EYA2: variants seen among roughly 807,000 people sequenced by gnomAD.
EYA2 encodes protein phosphatase EYA2.
EYA2 carries 31 observed loss-of-function variants against 69.2 expected under a neutral mutation model. The ratio of observed to expected loss-of-function variants is 0.45; its 90% CI spans 0.34 to 0.60. EYA2 has a LOEUF of 0.60. EYA2 is among the 20% of genes least tolerant of loss of function. EYA2 has a pLI of 0.02. For missense variants in EYA2, 622 were observed against 701.2 expected, an observed-to-expected ratio of 0.89 and a Z score of 1.28; for synonymous variants, 257 against 279.4, an observed-to-expected ratio of 0.92 and a Z score of 0.80.
intron 9 of EYA2, among the ~76,000 whole-genome samples, chr20:47,130,256 A>ATTTTTTTTTTTT (rs1392782309): frequency 3.4e-4 from 24 of 69,770 alleles, no homozygotes; most frequent in African/African-American, 6.2e-4. Context: ...AAGAAGGTTT[A>ATTTTTTTTTTTT]TTTTCTTTTT....
chr20:46,921,871 T>C (rs535854788), intron 1 of EYA2, among the ~76,000 whole-genome samples: 2 of 152,374 alleles, frequency 1.3e-5, no homozygotes, highest in African/African-American at 4.8e-5. Context: ...GAAGTTTGAA[T>C]GGAGTCTTCT....
At position 47,137,420 on chromosome 20, in the gene EYA2, G is replaced by A. The variant is rs898823882; in HGVS notation, c.889-5639G>A. Among the ~76,000 whole-genome samples the A allele has an allele frequency of 2.6e-5, 4 of 152,184 alleles. No individual in the cohort carries two copies. The South Asian group carries it at 6.2e-4, about 24-fold the overall frequency. On this transcript the variant is annotated intron_variant, in intron 9 of 15. Transcript: ENST00000327619. ...AGGCCTGGGCTAGGTGCTTCCACAC[G>A]TGCTGTCTGATTTAATCCTCACTGC... is the stretch of plus-strand genomic sequence containing the variant.
intron 9 of EYA2, among the ~76,000 whole-genome samples, chr20:47,140,553 G>A (rs557555463): frequency 6.6e-6 from 1 of 152,136 alleles, no homozygotes; most frequent in Non-Finnish European, 1.5e-5. Flanking sequence ...GGAGCAAGGG[G>A]ACAAGGCCCC....
chr20:47,165,268 T>G (rs2034158828), intron 10 of EYA2, among the ~76,000 whole-genome samples: 1 of 152,140 alleles, frequency 6.6e-6, no homozygotes, highest in African/African-American at 2.4e-5. Context: ...AGGGGGTAGA[T>G]TATACCTGAG....
intron 7 of EYA2, among the ~76,000 whole-genome samples, chr20:47,078,338 C>A (rs2031599305): frequency 8.7e-6 from 1 of 115,266 alleles, no homozygotes; most frequent in Admixed American, 8.2e-5. Context: ...CGCGCACACA[C>A]ACACACACAC....
rs11482114 is a variant in EYA2, at chr20:47,116,994, ATTTT to A, written c.888+19843_888+19846del. Among the ~76,000 whole-genome samples, 147 of 117,026 alleles carry A rather than the reference ATTTT, an allele frequency of 1.3e-3. 1 individual carries two copies. The highest frequency in any genetic ancestry group is 4.5e-3 in the African/African-American group (135 of 29,756). The allele number at this position is 117,026 out of a possible 152,430, so 76.8% of individuals were successfully genotyped here. On this transcript the variant is annotated intron_variant, in intron 9 of 15. Coordinates refer to ENST00000327619, the MANE Select transcript of EYA2 (RefSeq NM_005244.5). ...GTAGACTCACTGAACATGCATCTGC[ATTTT>A]TTTTTTTTTTTTTTTTGAGGCAGAG...
rs1243416884 is a variant in EYA2 at position 47,188,769 on chromosome 20, G to A, written c.*636G>A. The stretch of plus-strand genomic sequence containing the variant: ...TACGCTACATCTTGTTTTCTAGGAA[G>A]AGGGGGATGCTGGGAAGGAATGGGT... On this transcript the variant is annotated 3_prime_UTR_variant, in exon 16 of 16. Transcript: ENST00000327619. 1 of 161,972 alleles carries A rather than the reference G, an allele frequency of 6.2e-6. No homozygotes were observed. Among genetic ancestry groups the A allele is most frequent in the Non-Finnish European group, 1.3e-5 (1 of 74,522 alleles). The allele number at this position is 161,972 out of a possible 1,614,324, so 10.0% of individuals were successfully genotyped here.
rs536711276 is a variant in EYA2, at chr20:47,025,825, G to C, written c.415+9528G>C. Among the ~76,000 whole-genome samples the C allele has an allele frequency of 1.6e-4, 24 of 152,268 alleles. No homozygotes were observed. In the South Asian group the frequency reaches 4.6e-3, roughly 29 times the overall value. On this transcript the variant is annotated intron_variant, in intron 5 of 15. Transcript: ENST00000327619. ...GTACCTGTTTTCACAAAAACTCATC[G>C]ACCCAGTGTCATCTTACGGTTGAAG...
chr20:47,036,096 C>T (rs984505274), intron 5 of EYA2, among the ~76,000 whole-genome samples: 1 of 152,166 alleles, frequency 6.6e-6, no homozygotes, highest in East Asian at 1.9e-4. Flanking sequence ...TATTCACTCC[C>T]TTGGTCACCA....
At chr20:47,082,390 A>T (rs2031753962) in intron 7 of EYA2, among the ~76,000 whole-genome samples, 1 of 152,156 alleles carries the variant, frequency 6.6e-6, no homozygotes, top group African/African-American at 2.4e-5. Flanking sequence ...AGATCTAAAA[A>T]GTAACTTTAG....
chr20:46,998,710 A>AG (rs1278539916), intron 2 of EYA2, among the ~76,000 whole-genome samples: 1 of 152,226 alleles, frequency 6.6e-6, no homozygotes, highest in Non-Finnish European at 1.5e-5. Context: ...GAAAGGAAGC[A>AG]GAAAGGGAGG....
intron 10 of EYA2, among the ~76,000 whole-genome samples, chr20:47,154,819 T>TGTG (rs2033889072): frequency 9.2e-5 from 13 of 140,886 alleles, no homozygotes; most frequent in African/African-American, 2.6e-4. Flanking sequence ...TTATTTTGTT[T>TGTG]TGTGTGTGTG....
At chr20:47,086,504 A>G (rs1266777674) in intron 7 of EYA2, among the ~76,000 whole-genome samples, 2 of 151,752 alleles carry the variant, frequency 1.3e-5, no homozygotes, top group African/African-American at 4.8e-5. Context: ...GGAAGCAGGC[A>G]CGTCTTACAT....
chr20:47,086,268 T>C (rs2146499147), intron 7 of EYA2, among the ~76,000 whole-genome samples: 1 of 152,254 alleles, frequency 6.6e-6, no homozygotes, highest in African/African-American at 2.4e-5. Flanking sequence ...GGCAGATCAC[T>C]TAAGGTCAGG....
intron 9 of EYA2, among the ~76,000 whole-genome samples, chr20:47,128,665 G>T (rs1274927466): frequency 6.6e-6 from 1 of 152,066 alleles, no homozygotes; most frequent in Non-Finnish European, 1.5e-5. Context: ...GAGTTAGACA[G>T]TCCTAGATTT....
chr20:47,178,638 GCCAGCTGCCTGGGTGCCGGA>G (rs1176380286), intron 12 of EYA2, among the ~76,000 whole-genome samples: 4 of 152,122 alleles, frequency 2.6e-5, no homozygotes, highest in Non-Finnish European at 5.9e-5. Context: ...AGCTCTGGAA[GCCAGCTGCCTGGGTGCCGGA>G]CCTGTGTCCA....
At chr20:47,052,303 G>T (rs560184753) in intron 5 of EYA2, among the ~76,000 whole-genome samples, 58 of 152,332 alleles carry the variant, frequency 3.8e-4, no homozygotes, top group Non-Finnish European at 4.6e-4. Flanking sequence ...GGAGTGGTCA[G>T]GGGAGGTCAC....
In EYA2 at chr20:46,971,106, CAT is replaced by C. The variant is rs1555807831; in HGVS notation, c.-10-18894_-10-18893del. Among the ~76,000 whole-genome samples, 1,117 of 151,880 alleles carry C rather than the reference CAT, an allele frequency of 7.4e-3. 15 individuals carry two copies. The highest frequency in any genetic ancestry group is 0.024 in the African/African-American group (985 of 41,380). Reference sequence around the variant, plus strand: ...ACACACACACACACACACACACACACATGCACACACACGTAAATGCACTGAAG... The same window carrying C: ...ACACACACACACACACACACACACACGCACACACACGTAAATGCACTGAAG... On this transcript the variant is annotated intron_variant, in intron 1 of 15. Coordinates refer to ENST00000327619, the MANE Select transcript of EYA2 (RefSeq NM_005244.5).
chr20:46,902,051 A>G (rs1009787769), intron 1 of EYA2, among the ~76,000 whole-genome samples: 7 of 152,312 alleles, frequency 4.6e-5, no homozygotes, highest in Middle Eastern at 3.4e-3. Flanking sequence ...ATGTCTCAGC[A>G]TTGCTCAGGC....
Sources: gnomAD v4.1 joint callset for allele counts (sites outside exome capture counted in the v4.1 genomes callset) on GRCh38, gnomAD v4.1.1 for gene constraint, MANE v1.5 for transcripts, NCBI Gene and HGNC (gene_info 2026-07-23, HGNC 2026-07-21) for gene names.